The following NTNG1 variants were observed in gnomAD, a reference collection of about 807,000 sequenced individuals.
The protein encoded by NTNG1 is netrin-G1.
NTNG1 carries 16 observed loss-of-function variants against 54.0 expected under a neutral mutation model. The ratio of observed to expected loss-of-function variants is 0.30; its 90% CI spans 0.20 to 0.45. The LOEUF is 0.45. NTNG1 is among the 20% of genes least tolerant of loss of function. The probability of loss-of-function intolerance (pLI) is 1.00; values close to 1 mark genes in which losing one functional copy is unlikely to be tolerated. For missense variants in NTNG1, 530 were observed against 678.7 expected (o/e 0.78, Z 2.43); for synonymous variants, 255 against 263.1 (o/e 0.97, Z 0.30).
At chr1:107,423,855 T>C (rs1674719087) in intron 5 of NTNG1, among the ~76,000 whole-genome samples, 1 of 152,108 alleles carries the variant, frequency 6.6e-6, no homozygotes, top group Admixed American at 6.6e-5. Flanking sequence ...TCTTCAGGAA[T>C]TCAAACGATG....
chr1:107,300,123 C>T (rs1434240130), intron 2 of NTNG1, among the ~76,000 whole-genome samples: 3 of 152,074 alleles, frequency 2.0e-5, no homozygotes, highest in Non-Finnish European at 2.9e-5. Flanking sequence ...CATATTTGCC[C>T]CTAAAGCCCC....
chr1:107,207,557 G>A (rs192297013), intron 2 of NTNG1, among the ~76,000 whole-genome samples: 1 of 152,264 alleles, frequency 6.6e-6, no homozygotes, highest in Admixed American at 6.5e-5. Flanking sequence ...AGAAAGTAAA[G>A]AGAAAAATGA....
In NTNG1 at chr1:107,481,188, T is replaced by C. The variant is rs1678690994; in HGVS notation, c.*348T>C. 2 of 309,208 alleles carry C rather than the reference T, an allele frequency of 6.5e-6. No individual in the cohort carries two copies. Among genetic ancestry groups the C allele is most frequent in the East Asian group, 1.1e-4 (2 of 17,994 alleles). 19.2% of individuals were successfully genotyped at this position (309,208 alleles called of 1,614,324 possible). The stretch of plus-strand genomic sequence containing the variant: ...ACCGACCTAAAAACATTGGCTACTC[T>C]AGCGTGGTGCGCCCTAGTACGACTC... On this transcript the variant is annotated 3_prime_UTR_variant, in exon 8 of 8. Transcript: ENST00000370068.
intron 3 of NTNG1, among the ~76,000 whole-genome samples, chr1:107,375,010 G>A (rs1671141563): frequency 6.6e-6 from 1 of 152,146 alleles, no homozygotes; most frequent in Non-Finnish European, 1.5e-5. Flanking sequence ...TGACTAGTGA[G>A]CACCGGCACT....
intron 3 of NTNG1, among the ~76,000 whole-genome samples, chr1:107,344,401 C>T (rs1299813752): frequency 3.3e-5 from 5 of 152,056 alleles, no homozygotes; most frequent in South Asian, 2.1e-4. Context: ...TAGGGAGACA[C>T]GAAGAGCCAA....
intron 7 of NTNG1, among the ~76,000 whole-genome samples, chr1:107,442,767 G>C (rs150751257): frequency 6.0e-4 from 91 of 152,252 alleles, no homozygotes; most frequent in African/African-American, 2.0e-3. Context: ...TGCAGACAGT[G>C]ATGTAAGAGA....
At chr1:107,300,194 T>C (rs1386744849) in intron 2 of NTNG1, among the ~76,000 whole-genome samples, 1 of 152,202 alleles carries the variant, frequency 6.6e-6, no homozygotes, top group African/African-American at 2.4e-5. Context: ...GGAAGAGTGT[T>C]GCTAAGCAGA....
chr1:107,354,422 T>C (rs1040821061), intron 3 of NTNG1, among the ~76,000 whole-genome samples: 2 of 135,746 alleles, frequency 1.5e-5, no homozygotes, highest in African/African-American at 2.8e-5. Context: ...TGAGCCACGA[T>C]TGTGCCACTG....
chr1:107,392,011 G>A (rs76838078), intron 3 of NTNG1, among the ~76,000 whole-genome samples: 2,262 of 152,306 alleles, frequency 0.015, 61 homozygotes, highest in African/African-American at 0.052. Flanking sequence ...CTGGGTGGAA[G>A]ATGGTACAAT....
chr1:107,386,240 G>T (rs1268791110), intron 3 of NTNG1, among the ~76,000 whole-genome samples: 1 of 150,068 alleles, frequency 6.7e-6, no homozygotes, highest in African/African-American at 2.5e-5. Flanking sequence ...CATGATCTCG[G>T]CTCACTGCAG....
intron 3 of NTNG1, among the ~76,000 whole-genome samples, chr1:107,361,360 C>CATATATATATATATACAT (rs10659708): frequency 9.1e-6 from 1 of 109,334 alleles, no homozygotes; most frequent in Non-Finnish European, 1.7e-5. Context: ...CATTATATAA[C>CATATATATATATATACAT]ATATATATAT....
rs143449793 is a variant in NTNG1, at chr1:107,193,005, G to T, written c.246+44166G>T. ...GAAACTAATAGGTAAAATGAGATCAGTTACAGAATGATTATGAATCAAAAT... is the reference window on the plus strand; with the variant it reads ...GAAACTAATAGGTAAAATGAGATCATTTACAGAATGATTATGAATCAAAAT... On this transcript the variant is annotated intron_variant, in intron 2 of 7. Transcript: ENST00000370068. 3.6e-3 allele frequency among the ~76,000 whole-genome samples: 546 copies of T among 152,148 alleles called. 2 individuals carry two copies. The highest frequency in any genetic ancestry group is 0.013 in the African/African-American group (529 of 41,546).
chr1:107,406,403 G>A lies in NTNG1; in HGVS notation c.1061-1279G>A, dbSNP rs116835203. ...CATTAACAGCTACCGTTTATTGGCC[G>A]CACACCATGTGTCAGACATTTTTAT... On this transcript the variant is annotated intron_variant, in intron 4 of 7. Coordinates refer to ENST00000370068, the MANE Select transcript of NTNG1 (RefSeq NM_001113226.3). Among the ~76,000 whole-genome samples, 995 of 152,172 alleles carry A rather than the reference G, an allele frequency of 6.5e-3. 9 individuals carry two copies. Among genetic ancestry groups the A allele is most frequent in the African/African-American group, 0.023 (943 of 41,524 alleles).
chr1:107,286,491 G>A (rs3123378), intron 2 of NTNG1, among the ~76,000 whole-genome samples: 2,614 of 152,224 alleles, frequency 0.017, 64 homozygotes, highest in African/African-American at 0.06. Context: ...AATGAACGCC[G>A]TGGAGGATTG....
chr1:107,271,801 C>T (rs1469086721), intron 2 of NTNG1, among the ~76,000 whole-genome samples: 4 of 152,188 alleles, frequency 2.6e-5, no homozygotes, highest in Admixed American at 6.5e-5. Flanking sequence ...TGCAGAATAA[C>T]ACTCCAATCA....
At chr1:107,350,884 A>C (rs1021242523) in intron 3 of NTNG1, among the ~76,000 whole-genome samples, 4 of 152,210 alleles carry the variant, frequency 2.6e-5, no homozygotes, top group African/African-American at 9.6e-5. Flanking sequence ...GCAAAGTTTC[A>C]GTTATGCAGG....
At chr1:107,349,201 G>A (rs369749889) in intron 3 of NTNG1, among the ~76,000 whole-genome samples, 11 of 152,062 alleles carry the variant, frequency 7.2e-5, no homozygotes, top group African/African-American at 2.4e-4. Flanking sequence ...GGATTCCTTC[G>A]CATTAATCAG....
intron 2 of NTNG1, among the ~76,000 whole-genome samples, chr1:107,286,596 T>C (rs3123379): frequency 0.017 from 2,602 of 152,276 alleles, 63 homozygotes; most frequent in African/African-American, 0.06. Context: ...GCTACACATT[T>C]AGAGAAGCAA....
intron 2 of NTNG1, among the ~76,000 whole-genome samples, chr1:107,288,188 T>C (rs1439401579): frequency 6.6e-6 from 1 of 152,284 alleles, no homozygotes; most frequent in African/African-American, 2.4e-5. Flanking sequence ...ATAACTGATA[T>C]GCACATGAGG....
Sources: gnomAD v4.1 joint callset for allele counts (sites outside exome capture counted in the v4.1 genomes callset) on GRCh38, gnomAD v4.1.1 for gene constraint, MANE v1.5 for transcripts, NCBI Gene and HGNC (gene_info 2026-07-23, HGNC 2026-07-21) for gene names.